CNTNAP5: variants seen among roughly 807,000 people sequenced by gnomAD.
CNTNAP5 encodes contactin-associated protein-like 5.
In CNTNAP5, 72 loss-of-function variants were observed where a neutral mutation model predicts 150.2. That is an observed-to-expected ratio of 0.48 (90% confidence interval 0.40 to 0.58). CNTNAP5 has a LOEUF of 0.58. CNTNAP5 is among the 20% of genes least tolerant of loss of function. CNTNAP5 has a pLI of 0.00. For synonymous variants in CNTNAP5, 672 were observed against 619.8 expected (o/e 1.08, Z -1.25); for missense variants, 1,636 against 1,626.2 (o/e 1.01, Z -0.10).
chr2:124,616,780 T>C (rs751947740), intron 12 of CNTNAP5, among the ~76,000 whole-genome samples: 2 of 152,160 alleles, frequency 1.3e-5, no homozygotes, highest in Admixed American at 6.5e-5. Context: ...CTATTTGGCC[T>C]AATTTTGATA....
intron 1 of CNTNAP5, among the ~76,000 whole-genome samples, chr2:124,137,201 A>G (rs1324620290): frequency 6.6e-6 from 1 of 152,092 alleles, no homozygotes; most frequent in Non-Finnish European, 1.5e-5. Flanking sequence ...GTGTGTTAAC[A>G]TAGGGTGTGT....
chr2:124,684,740 G>A (rs938075896), intron 13 of CNTNAP5, among the ~76,000 whole-genome samples: 3 of 150,646 alleles, frequency 2.0e-5, no homozygotes, highest in Non-Finnish European at 3.0e-5. Flanking sequence ...TTATTAGTAT[G>A]TGCCAGGCAG....
At chr2:124,339,207 C>A (rs1290711498) in intron 3 of CNTNAP5, among the ~76,000 whole-genome samples, 1 of 152,100 alleles carries the variant, frequency 6.6e-6, no homozygotes, top group Non-Finnish European at 1.5e-5. Context: ...AGTTCTAGAA[C>A]CCTCTCTCTC....
chr2:124,884,662 C>T (rs1302241003), intron 21 of CNTNAP5, among the ~76,000 whole-genome samples: 1 of 151,958 alleles, frequency 6.6e-6, no homozygotes, highest in Non-Finnish European at 1.5e-5. Flanking sequence ...CCATCGCTTG[C>T]TTAGAGAGAA....
intron 4 of CNTNAP5, among the ~76,000 whole-genome samples, chr2:124,423,297 TTTAGGCTGCTCACCA>T (rs752474903): frequency 5.3e-5 from 8 of 152,184 alleles, no homozygotes; most frequent in Non-Finnish European, 1.0e-4. Context: ...TCGTCAGATA[TTTAGGCTGCTCACCA>T]AACTTCCCTA....
At chr2:124,336,464 G>C (rs183945465) in intron 3 of CNTNAP5, among the ~76,000 whole-genome samples, 9 of 151,554 alleles carry the variant, frequency 5.9e-5, no homozygotes, top group Non-Finnish European at 1.0e-4. Context: ...ATGTTGGTGT[G>C]CTGCACCCAT....
intron 1 of CNTNAP5, among the ~76,000 whole-genome samples, chr2:124,128,392 C>A (rs1281737100): frequency 6.6e-6 from 1 of 152,092 alleles, no homozygotes; most frequent in Non-Finnish European, 1.5e-5. Context: ...GAATGGCCAT[C>A]ATTAAAAAGT....
At chr2:124,695,646 C>T (rs1446461041) in intron 13 of CNTNAP5, among the ~76,000 whole-genome samples, 2 of 152,134 alleles carry the variant, frequency 1.3e-5, no homozygotes, top group Admixed American at 6.6e-5. Flanking sequence ...GGTATGTTAA[C>T]ATATCTCAAG....
intron 1 of CNTNAP5, among the ~76,000 whole-genome samples, chr2:124,102,175 G>T (rs1683080729): frequency 6.6e-6 from 1 of 152,122 alleles, no homozygotes; most frequent in Non-Finnish European, 1.5e-5. Flanking sequence ...ATTTTTTAAA[G>T]CAACCTTTGC....
chr2:124,290,258 C>T (rs1273765564), intron 3 of CNTNAP5, among the ~76,000 whole-genome samples: 4 of 152,126 alleles, frequency 2.6e-5, no homozygotes, highest in Non-Finnish European at 5.9e-5. Flanking sequence ...ATGCCATATT[C>T]AAAAGGCATT....
chr2:124,449,800 C>T (rs189954599), intron 6 of CNTNAP5, among the ~76,000 whole-genome samples: 8 of 152,046 alleles, frequency 5.3e-5, no homozygotes, highest in Non-Finnish European at 8.8e-5. Context: ...GCTGTAATAG[C>T]GGCGTTTGAC....
At chr2:124,561,337 A>C (rs1695887268) in intron 10 of CNTNAP5, among the ~76,000 whole-genome samples, 1 of 152,302 alleles carries the variant, frequency 6.6e-6, no homozygotes, top group South Asian at 2.1e-4. Context: ...TGCCTGGAGA[A>C]AGAAATCCTT....
At chr2:124,137,572 C>G (rs1481175182) in intron 1 of CNTNAP5, among the ~76,000 whole-genome samples, 2 of 151,982 alleles carry the variant, frequency 1.3e-5, no homozygotes, top group Admixed American at 6.6e-5. Flanking sequence ...GTATTTAACA[C>G]ACAAAAAAAA....
At chr2:124,229,514 G>A (rs1212182872) in intron 2 of CNTNAP5, among the ~76,000 whole-genome samples, 1 of 152,110 alleles carries the variant, frequency 6.6e-6, no homozygotes, top group Non-Finnish European at 1.5e-5. Context: ...GCAAGGAAGA[G>A]AACTAATTAC....
intron 1 of CNTNAP5, among the ~76,000 whole-genome samples, chr2:124,190,253 A>G (rs559324423): frequency 6.6e-6 from 1 of 152,330 alleles, no homozygotes; most frequent in African/African-American, 2.4e-5. Flanking sequence ...TAGGCTAACA[A>G]TTGGTAGCAA....
At chr2:124,116,691 A>G (rs1332406449) in intron 1 of CNTNAP5, among the ~76,000 whole-genome samples, 1 of 152,192 alleles carries the variant, frequency 6.6e-6, no homozygotes, top group Non-Finnish European at 1.5e-5. Flanking sequence ...TCATGTTTTT[A>G]TTGAAAATTT....
intron 17 of CNTNAP5, among the ~76,000 whole-genome samples, chr2:124,773,225 T>G (rs1681244626): frequency 6.6e-6 from 1 of 152,138 alleles, no homozygotes; most frequent in African/African-American, 2.4e-5. Context: ...TTTAGCAAAT[T>G]TTGAGGTTGT....
intron 1 of CNTNAP5, among the ~76,000 whole-genome samples, chr2:124,170,836 G>C (rs7594208): frequency 2.1e-3 from 323 of 152,014 alleles, no homozygotes; most frequent in African/African-American, 7.3e-3. Context: ...CAAATAGACA[G>C]AGGGAGTGGA....
chr2:124,459,158 T>C (rs1693189747), intron 6 of CNTNAP5, among the ~76,000 whole-genome samples: 1 of 152,208 alleles, frequency 6.6e-6, no homozygotes, highest in Non-Finnish European at 1.5e-5. Context: ...GATTAAAAAT[T>C]GCGGTCAGCC....
Sources: allele counts gnomAD v4.1 joint callset (sites outside exome capture counted in the v4.1 genomes callset), GRCh38; gene constraint gnomAD v4.1.1; transcripts MANE v1.5; gene names NCBI Gene and HGNC (gene_info 2026-07-23, HGNC 2026-07-21).